The following ADSL variants were observed in gnomAD, a reference collection of about 807,000 sequenced individuals.
ADSL encodes adenylosuccinase.
A neutral mutation model predicts 62.1 loss-of-function variants in ADSL; 44 were observed. The observed-to-expected ratio is 0.71, with a 90% confidence interval of 0.56 to 0.91. ADSL has a LOEUF of 0.91. Ranked by LOEUF, ADSL falls within the 40% of genes least tolerant of loss-of-function variation. ADSL has a pLI of 0.00. For missense variants in ADSL, 531 were observed against 627.4 expected (o/e 0.85, Z 1.64); for synonymous variants, 198 against 220.5 (o/e 0.90, Z 0.90).
rs538575643 is a variant in ADSL at position 40,378,685 on chromosome 22, A to G, written c.90-11545A>G. The stretch of plus-strand genomic sequence containing the variant: ...AGGTTGCAGTGAGCTGAGATCACAC[A>G]CTGCACTCCAGCCTGGGTGACAGAG... On this transcript the variant is annotated intron_variant, in intron 2 of 2. Transcript: ENST00000498234. Among the ~76,000 whole-genome samples, 10 of 152,162 alleles carry G rather than the reference A, an allele frequency of 6.6e-5. No individual in the cohort carries two copies. In the South Asian group the frequency reaches 2.1e-3, roughly 32 times the overall value.
chr22:40,354,128 G>T lies in ADSL; in HGVS notation c.403-120G>T, dbSNP rs1253816339. Reference sequence around the variant, plus strand: ...GGTACAAAGATGGAAGGATATGGCTGCTGCCTTTCATGAGTTAGCGGTCTA... The same window carrying T: ...GGTACAAAGATGGAAGGATATGGCTTCTGCCTTTCATGAGTTAGCGGTCTA... On this transcript the variant is annotated intron_variant, in intron 3 of 12. Coordinates refer to ENST00000623063, the MANE Select transcript of ADSL (RefSeq NM_000026.4). 12 of 926,890 alleles carry T rather than the reference G, an allele frequency of 1.3e-5. No individual in the cohort carries two copies. In the African/African-American group the frequency reaches 1.5e-4, roughly 11 times the overall value. 57.4% of individuals were successfully genotyped at this position (926,890 alleles called of 1,614,324 possible).
chr22:40,384,292 C>T (rs1188142877), intron 2 of ADSL, among the ~76,000 whole-genome samples: 2 of 151,888 alleles, frequency 1.3e-5, no homozygotes, highest in African/African-American at 2.4e-5. Flanking sequence ...TTACCCTAAA[C>T]CTTAGGATCT....
chr22:40,381,712 T>G (rs1293575341), intron 2 of ADSL, among the ~76,000 whole-genome samples: 1 of 152,168 alleles, frequency 6.6e-6, no homozygotes. Flanking sequence ...ACCAGCACTT[T>G]GGGAGGCCAA....
chr22:40,358,516 C>T (rs552503590), intron 4 of ADSL, among the ~76,000 whole-genome samples: 5 of 152,170 alleles, frequency 3.3e-5, no homozygotes, highest in African/African-American at 7.2e-5. Flanking sequence ...CTCCAGAGGT[C>T]GAGGCTACAG....
chr22:40,363,147 TG>T, intron 10 of ADSL, 76 bp downstream of exon 10: 1 of 1,369,632 alleles, frequency 7.3e-7, no homozygotes, highest in Non-Finnish European at 1.0e-6. Flanking sequence ...TGGGGTGTGT[TG>T]AGGGAGCTGT....
rs143183891 is a variant in ADSL, at chr22:40,363,145, G to C, written c.1101+74G>C. Reference sequence around the variant, plus strand: ...TGGGAGGGAGGGTGCTCTGGGGTGTGTTGAGGGAGCTGTATTCTGATCCGA... The same window carrying C: ...TGGGAGGGAGGGTGCTCTGGGGTGTCTTGAGGGAGCTGTATTCTGATCCGA... On this transcript the variant is annotated intron_variant, in intron 10 of 12. Coordinates refer to ENST00000623063, the MANE Select transcript of ADSL (RefSeq NM_000026.4). 160 of 1,393,454 alleles carry C rather than the reference G, an allele frequency of 1.1e-4. 1 individual carries two copies. In the East Asian group the frequency reaches 1.8e-3, roughly 16 times the overall value. The allele number at this position is 1,393,454 out of a possible 1,614,324, so 86.3% of individuals were successfully genotyped here.
At chr22:40,381,362 T>G (rs1224747384) in intron 2 of ADSL, among the ~76,000 whole-genome samples, 1 of 152,164 alleles carries the variant, frequency 6.6e-6, no homozygotes, top group Admixed American at 6.5e-5. Flanking sequence ...TTGCCGAGGC[T>G]GGTCTCAAAC....
intron 2 of ADSL, among the ~76,000 whole-genome samples, chr22:40,351,430 C>G (rs577254316): frequency 3.9e-5 from 6 of 152,110 alleles, no homozygotes; most frequent in African/African-American, 1.2e-4. Flanking sequence ...CCTCAGCCCC[C>G]CAAAGTGCTG....
downstream of ADSL, among the ~76,000 whole-genome samples, chr22:40,371,946 G>A (rs200753811): frequency 1.8e-4 from 27 of 152,100 alleles, no homozygotes; most frequent in East Asian, 5.0e-3. Flanking sequence ...TGATCCGCCC[G>A]TCTCGGGCCT....
intron 2 of ADSL, among the ~76,000 whole-genome samples, chr22:40,378,477 C>T (rs1462158001): frequency 6.6e-6 from 1 of 151,564 alleles, no homozygotes; most frequent in Non-Finnish European, 1.5e-5. Flanking sequence ...GCCTGTCATC[C>T]TAGCACTTTG....
intron 4 of ADSL, among the ~76,000 whole-genome samples, chr22:40,358,053 T>C (rs1349297964): frequency 6.6e-6 from 1 of 152,084 alleles, no homozygotes; most frequent in Non-Finnish European, 1.5e-5. Context: ...GCTGGGATTA[T>C]AGGCATGAGC....
At chr22:40,362,662 A>C (rs1421880712) in intron 9 of ADSL, among the ~76,000 whole-genome samples, 2 of 152,216 alleles carry the variant, frequency 1.3e-5, no homozygotes, top group African/African-American at 4.8e-5. Context: ...TTACTGAGGC[A>C]GGAGCTACAA....
Position 40,364,533 on chromosome 22 carries a change from C to G in ADSL, c.1191+168C>G. ...ATCTATGGAGGGTGATTTTGGTGAA[C>G]TGAATTTGTTAAAGTGAATTACTTA... is the stretch of plus-strand genomic sequence containing the variant. On this transcript the variant is annotated intron_variant, in intron 11 of 12. Transcript: ENST00000623063. The G allele has an allele frequency of 4.1e-6, 3 of 727,020 alleles. No homozygotes were observed. The South Asian group carries it at 4.5e-5, about 11-fold the overall frequency. 45.0% of individuals were successfully genotyped at this position (727,020 alleles called of 1,614,324 possible). A position where few individuals can be genotyped will look rare whatever the true frequency, so the allele number is the denominator to read the frequency against.
At chr22:40,364,817 CT>C (rs1327170607) in intron 11 of ADSL, 62 bp from the exon 12 acceptor site, 28 of 1,562,316 alleles carry the variant, frequency 1.8e-5, no homozygotes, top group African/African-American at 2.7e-5. Flanking sequence ...TATCTGATGA[CT>C]TTTTAAAAGT....
chr22:40,349,272 T>G (rs1229546951), intron 1 of ADSL, among the ~76,000 whole-genome samples: 2 of 152,060 alleles, frequency 1.3e-5, no homozygotes, highest in African/African-American at 4.8e-5. Flanking sequence ...TGACATTTGA[T>G]TCCAGAGAGC....
intron 7 of ADSL, 68 bp from the exon 8 acceptor site, chr22:40,361,205 G>A (rs1037510570): frequency 6.8e-7 from 1 of 1,478,842 alleles, no homozygotes; most frequent in Non-Finnish European, 9.5e-7. Context: ...CATCAGCCTA[G>A]TCACAGCTCC....
At chr22:40,351,316 G>T (rs964417597) in intron 2 of ADSL, among the ~76,000 whole-genome samples, 2 of 151,974 alleles carry the variant, frequency 1.3e-5, no homozygotes, top group African/African-American at 2.4e-5. Context: ...GATTATAGGC[G>T]CCTGCCGCCA....
Position 40,354,269 on chromosome 22 carries a change from C to T in ADSL, c.424C>T (p.Leu142Phe), listed in dbSNP as rs1177667326. 1 of 1,614,190 alleles carries T rather than the reference C, an allele frequency of 6.2e-7. No individual in the cohort carries two copies. Among genetic ancestry groups the T allele is most frequent in the South Asian group, 1.1e-5 (1 of 91,082 alleles). The part of the protein sequence containing the change: ...LPKLARVISR[L>F]ADFAKERASL... Reference sequence around the variant, plus strand: ...GTAGCTTGCCAGAGTGATCTCTCGGCTTGCCGACTTTGCTAAGGAACGAGC... The same window carrying T: ...GTAGCTTGCCAGAGTGATCTCTCGGTTTGCCGACTTTGCTAAGGAACGAGC... Residue 142 changes from leucine to phenylalanine, a missense_variant, in exon 4 of 13, where the codon CTT (leucine) becomes TTT (phenylalanine). Leu to Phe is a conservative substitution (Grantham distance 22). Around this residue, in one of 2 missense-constraint regions of ADSL, gnomAD observed 471 missense variants for 592.9 expected, o/e 0.79. Transcript: ENST00000623063.
chr22:40,352,223 C>G (rs1174303165), intron 2 of ADSL, among the ~76,000 whole-genome samples: 1 of 151,982 alleles, frequency 6.6e-6, no homozygotes, highest in Non-Finnish European at 1.5e-5. Flanking sequence ...TTGTTAGCAA[C>G]TGTAGGCAAG....
Sources: allele counts gnomAD v4.1 joint callset (sites outside exome capture counted in the v4.1 genomes callset), GRCh38; gene constraint gnomAD v4.1.1; regional missense constraint gnomAD v4.1.1; transcripts MANE v1.5; gene names NCBI Gene and HGNC (gene_info 2026-07-23, HGNC 2026-07-21).